The following FAM234A variants were observed in gnomAD, a reference collection of about 807,000 sequenced individuals.
FAM234A encodes family with sequence similarity 234 member A.
Under a neutral mutation model 49.1 loss-of-function variants are expected in FAM234A, and 42 were observed. That is an observed-to-expected ratio of 0.86 (90% CI 0.67 to 1.11). FAM234A has a LOEUF of 1.11. Among genes scored for constraint, FAM234A ranks in the 50% least tolerant of loss-of-function variants. FAM234A has a pLI of 0.00. For missense variants in FAM234A, 815 were observed against 745.2 expected, an observed-to-expected ratio of 1.09 and a Z score of -1.09; for synonymous variants, 369 against 316.2, an observed-to-expected ratio of 1.17 and a Z score of -1.77.
Position 265,901 on chromosome 16 carries a change from C to T in FAM234A, c.*879C>T. On this transcript the variant is annotated 3_prime_UTR_variant, in exon 13 of 13. Transcript: ENST00000399932. ...CGCCTGCCTCTCCCCTTCCGGTGCTCACACGCCCACGCCGTGCCACCCGAT... is the reference window on the plus strand; with the variant it reads ...CGCCTGCCTCTCCCCTTCCGGTGCTTACACGCCCACGCCGTGCCACCCGAT... 1.0e-6 allele frequency: 1 copy of T among 986,494 alleles called. No homozygotes were observed. Among genetic ancestry groups the T allele is most frequent in the Non-Finnish European group, 1.2e-6 (1 of 830,560 alleles). 61.1% of individuals were successfully genotyped at this position (986,494 alleles called of 1,614,324 possible).
chr16:262,261 C>T (rs771420733), intron 7 of FAM234A, 36 bp downstream of exon 7: 3 of 1,610,364 alleles, frequency 1.9e-6, no homozygotes, highest in African/African-American at 1.3e-5. Flanking sequence ...GCCAGCCTCA[C>T]TCGTGGAGCA....
chr16:250,535 C>A (rs1241926789), intron 2 of FAM234A, among the ~76,000 whole-genome samples: 1 of 152,132 alleles, frequency 6.6e-6, no homozygotes. Context: ...TTTCTGACTT[C>A]CAAGATGTTA....
Position 254,699 on chromosome 16 carries a change from C to A in FAM234A, c.268+18C>A, listed in dbSNP as rs745711095. The A allele has an allele frequency of 6.2e-7, 1 of 1,611,500 alleles. No homozygotes were observed. Reference sequence around the variant, plus strand: ...TGCCGCTGGTGAGCCTCGGCTTCCCCGCCCAGTGGGGTCCAAAGCAGCTCT... The same window carrying A: ...TGCCGCTGGTGAGCCTCGGCTTCCCAGCCCAGTGGGGTCCAAAGCAGCTCT... On this transcript the variant is annotated intron_variant, in intron 3 of 12. Coordinates refer to ENST00000399932, the MANE Select transcript of FAM234A (RefSeq NM_032039.4).
chr16:263,972 G>T, intron 10 of FAM234A, 44 bp from the exon 11 acceptor site: 1 of 1,586,380 alleles, frequency 6.3e-7, no homozygotes. Context: ...AGCTTTTCCC[G>T]GTAGCCCCCA....
chr16:268,127 G>A (rs557851573), downstream of FAM234A, among the ~76,000 whole-genome samples: 9 of 118,402 alleles, frequency 7.6e-5, no homozygotes, highest in East Asian at 1.6e-3. Flanking sequence ...CACACGACAC[G>A]TGCACACACA....
At chr16:268,843 G>A (rs370212981), downstream of FAM234A, 25 of 1,550,322 alleles carry the variant, frequency 1.6e-5, no homozygotes, top group East Asian at 7.3e-5. Flanking sequence ...CTGCATGTCC[G>A]CGTCTTGTGA....
At chr16:269,771 C>G, downstream of FAM234A, 2 of 572,648 alleles carry the variant, frequency 3.5e-6, no homozygotes, top group Non-Finnish European at 6.2e-6. Flanking sequence ...CCTGGGCTCC[C>G]GTCTGCCTGG....
chr16:261,222 C>T (rs2051451080), intron 5 of FAM234A, 162 bp from the exon 6 acceptor site: 17 of 755,696 alleles, frequency 2.2e-5, no homozygotes, highest in Middle Eastern at 3.5e-4. Context: ...ACAGGAGTGC[C>T]GCCCTCCCCT....
rs534125077 is a variant in FAM234A, at chr16:265,214, T to C, written c.*192T>C. 4.3e-3 allele frequency: 5,996 copies of C among 1,401,276 alleles called. 19 individuals are homozygous for C. Among genetic ancestry groups the C allele is most frequent in the Non-Finnish European group, 5.1e-3 (5,546 of 1,081,456 alleles). 86.8% of individuals were successfully genotyped at this position (1,401,276 alleles called of 1,614,324 possible). On this transcript the variant is annotated 3_prime_UTR_variant, in exon 13 of 13. Coordinates refer to ENST00000399932, the MANE Select transcript of FAM234A (RefSeq NM_032039.4). Reference sequence around the variant, plus strand: ...GACCTGCATGGGTGAGGGGACACCCTGGGCCTCTCTCCCGCCCAGCATCCT... The same window carrying C: ...GACCTGCATGGGTGAGGGGACACCCCGGGCCTCTCTCCCGCCCAGCATCCT...
At position 259,569 on chromosome 16, in the gene FAM234A, AACAATTTCAGCCGATCCTGTGTGG is replaced by A. The variant is rs1171150770; in HGVS notation, c.358_381del (p.Asn120_Asp127del). 1 of 1,610,882 alleles carries A rather than the reference AACAATTTCAGCCGATCCTGTGTGG, an allele frequency of 6.2e-7. No homozygotes were observed. Among genetic ancestry groups the A allele is most frequent in the South Asian group, 1.1e-5 (1 of 91,022 alleles). ...TCTTTATAAAAACACCAACAGCAGC[AACAATTTCAGCCGATCCTGTGTGG>A]ACGAAGGTAATTTCATTTTATATGA... On this transcript the variant is annotated inframe_deletion, in exon 4 of 13. Transcript: ENST00000399932.
chr16:259,964 T>A lies in FAM234A; in HGVS notation c.386-5T>A. On this transcript the variant is annotated splice_polypyrimidine_tract_variant and splice_region_variant and intron_variant, in intron 4 of 12. Coordinates refer to ENST00000399932, the MANE Select transcript of FAM234A (RefSeq NM_032039.4). ...ACAGTGAGGTGCCGGTGTCTCTCCC[T>A]ACAGGCTTTTCCTCTCCCTGCACCT... is the stretch of plus-strand genomic sequence containing the variant. 1 of 1,612,070 alleles carries A rather than the reference T, an allele frequency of 6.2e-7. No homozygotes were observed. Among genetic ancestry groups the A allele is most frequent in the Non-Finnish European group, 8.5e-7 (1 of 1,179,424 alleles).
At chr16:268,810 C>T (rs766733051), downstream of FAM234A, 34 of 1,550,202 alleles carry the variant, frequency 2.2e-5, no homozygotes, top group Non-Finnish European at 1.8e-5. Flanking sequence ...GGCTCTTGGA[C>T]GGGGCAGAGC....
intron 1 of FAM234A, among the ~76,000 whole-genome samples, chr16:243,860 A>C (rs2050700392): frequency 6.6e-6 from 1 of 152,050 alleles, no homozygotes; most frequent in Non-Finnish European, 1.5e-5. Context: ...ACATTGTCTG[A>C]CTTTGGAGAC....
chr16:254,146 G>A (rs1356743776), intron 2 of FAM234A: 1 of 479,526 alleles, frequency 2.1e-6, no homozygotes. Context: ...AATAGTTCCT[G>A]CCTGCTGGCT....
At chr16:261,671 C>G (rs139296496) in intron 6 of FAM234A, among the ~76,000 whole-genome samples, 157 bp downstream of exon 6, 3 of 152,246 alleles carry the variant, frequency 2.0e-5, no homozygotes, top group African/African-American at 7.2e-5. Context: ...CCCATAGACC[C>G]AGCATACTCA....
chr16:265,576 C>T lies in FAM234A; in HGVS notation c.*554C>T, dbSNP rs2051665966. On this transcript the variant is annotated 3_prime_UTR_variant, in exon 13 of 13. Transcript: ENST00000399932. Reference sequence around the variant, plus strand: ...GACAGCTCCAGCTTCGCAGCCCTTCCCGGAGCTACAGGGGGATCCTCTAGC... The same window carrying T: ...GACAGCTCCAGCTTCGCAGCCCTTCTCGGAGCTACAGGGGGATCCTCTAGC... The T allele has an allele frequency of 2.0e-6, 2 of 985,898 alleles. No homozygotes were observed. The allele number at this position is 985,898 out of a possible 1,614,324, so 61.1% of individuals were successfully genotyped here. A position where few individuals can be genotyped will look rare whatever the true frequency, so the allele number is the denominator to read the frequency against.
downstream of FAM234A, chr16:268,180 C>T (rs112577713): frequency 5.9e-6 from 1 of 169,254 alleles, no homozygotes; most frequent in Admixed American, 5.6e-5. Context: ...ACGTGCACTA[C>T]ACACAATCAC....
At chr16:239,671 T>G (rs1298719133) in intron 1 of FAM234A, among the ~76,000 whole-genome samples, 4 of 151,790 alleles carry the variant, frequency 2.6e-5, no homozygotes, top group African/African-American at 9.7e-5. Flanking sequence ...GAAATCTGCC[T>G]TGGAATTCAG....
At chr16:263,187 G>T (rs1483983980) in intron 8 of FAM234A, 75 bp from the exon 9 acceptor site, 8 of 1,549,000 alleles carry the variant, frequency 5.2e-6, no homozygotes, top group African/African-American at 1.4e-5. Context: ...TGAGACGGGC[G>T]GTGCCAGAGC....
Sources: gnomAD v4.1 joint callset for allele counts (sites outside exome capture counted in the v4.1 genomes callset) on GRCh38, gnomAD v4.1.1 for gene constraint, MANE v1.5 for transcripts, NCBI Gene and HGNC (gene_info 2026-07-23, HGNC 2026-07-21) for gene names.